Variants in CAPN14 observed in about 807,000 individuals in gnomAD.
The protein encoded by CAPN14 is calpain-14.
In CAPN14, 94 loss-of-function variants were observed where a neutral mutation model predicts 101.3. That is an observed-to-expected ratio of 0.93 (90% CI 0.79 to 1.10). The LOEUF is 1.10. Ranked by LOEUF, CAPN14 falls within the 50% of genes least tolerant of loss-of-function variation. The probability of loss-of-function intolerance (pLI) is 0.00; values close to 1 mark genes in which losing one functional copy is unlikely to be tolerated. For missense variants in CAPN14, 837 were observed against 828.4 expected, an observed-to-expected ratio of 1.01 and a Z score of -0.13; for synonymous variants, 338 against 317.9, an observed-to-expected ratio of 1.06 and a Z score of -0.67.
intron 1 of CAPN14, among the ~76,000 whole-genome samples, chr2:31,211,704 G>T (rs1163386651): frequency 1.7e-5 from 2 of 116,204 alleles, no homozygotes. Context: ...CACACACGAT[G>T]GGAAGAAAAT....
rs1465972 is a variant in CAPN14 at position 31,188,318 on chromosome 2, C to A, written c.1530G>T (p.Lys510Asn). ...IGSNSGVVFS[K>N]EIEDQNERQD... ...TATGGAATTCCACCAGACTACTCAC[C>A]TTTGAGAAGACGACACCAGAATTGC... The change falls in exon 14 of 22, where the codon AAG becomes AAT. Residue 510 changes from lysine to asparagine, a missense_variant and splice_region_variant. Lys to Asn is a moderately conservative substitution (Grantham distance 94). Coordinates refer to ENST00000403897, the MANE Select transcript of CAPN14 (RefSeq NM_001145122.2). 314,555 of 1,549,070 alleles carry A rather than the reference C, an allele frequency of 0.2. 37,946 individuals carry two copies. The highest frequency in any genetic ancestry group is 0.53 in the African/African-American group (38,554 of 72,966).
At chr2:31,233,132 T>C (rs947623433) in intron 1 of CAPN14, among the ~76,000 whole-genome samples, 4 of 152,240 alleles carry the variant, frequency 2.6e-5, no homozygotes, top group African/African-American at 7.2e-5. Flanking sequence ...CAATGTTCAC[T>C]GAGAACTTAG....
At chr2:31,180,495 C>G (rs2148672592) in intron 17 of CAPN14, among the ~76,000 whole-genome samples, 1 of 152,266 alleles carries the variant, frequency 6.6e-6, no homozygotes, top group East Asian at 1.9e-4. Flanking sequence ...TCCCTGAGCA[C>G]TGGTTTCCTG....
chr2:31,184,712 T>C (rs1206091358), intron 16 of CAPN14, among the ~76,000 whole-genome samples: 2 of 152,232 alleles, frequency 1.3e-5, no homozygotes, highest in African/African-American at 4.8e-5. Context: ...AAGACCCAAG[T>C]ACAATCAACC....
rs1682018356 is a variant in CAPN14, at chr2:31,205,351, G to A, written c.97C>T (p.Leu33=). 1 of 1,551,450 alleles carries A rather than the reference G, an allele frequency of 6.4e-7. No individual in the cohort carries two copies. Among genetic ancestry groups the A allele is most frequent in the Non-Finnish European group, 8.7e-7 (1 of 1,146,998 alleles). Residue 33 remains leucine, a synonymous_variant, in exon 2 of 22, where the codon CTG becomes TTG. Coordinates refer to ENST00000403897, the MANE Select transcript of CAPN14 (RefSeq NM_001145122.2). ...PQQPQQDFEA[L]LAECLRNGCL... is the part of the protein sequence containing the mutation. ...CCATTCCTCAGGCACTCTGCCAGCAGGGCCTCAAAGTCCTGTTGGGGTTGC... is the reference window on the plus strand; with the variant it reads ...CCATTCCTCAGGCACTCTGCCAGCAAGGCCTCAAAGTCCTGTTGGGGTTGC...
intron 16 of CAPN14, among the ~76,000 whole-genome samples, chr2:31,181,486 TC>T (rs1312164443): frequency 3.5e-5 from 5 of 141,682 alleles, no homozygotes; most frequent in Non-Finnish European, 6.0e-5. Flanking sequence ...TCTTTCTCTC[TC>T]TCTCTCTTTC....
intron 2 of CAPN14, among the ~76,000 whole-genome samples, chr2:31,224,727 T>C (rs916702118): frequency 2.6e-5 from 4 of 151,956 alleles, no homozygotes; most frequent in African/African-American, 7.2e-5. Flanking sequence ...GATTCCTATA[T>C]ATAACAATAA....
chr2:31,189,239 T>C (rs577873489), intron 13 of CAPN14, 34 bp downstream of exon 13: 2 of 1,541,652 alleles, frequency 1.3e-6, no homozygotes, highest in Non-Finnish European at 8.8e-7. Context: ...GTCCAAGTGG[T>C]CCCCACCCTC....
At chr2:31,216,665 G>T (rs964453036) in intron 1 of CAPN14, among the ~76,000 whole-genome samples, 2 of 152,174 alleles carry the variant, frequency 1.3e-5, no homozygotes, top group South Asian at 4.2e-4. Flanking sequence ...GAAACACTTA[G>T]GTACCACCCA....
chr2:31,221,396 T>C (rs56133728), upstream of CAPN14, among the ~76,000 whole-genome samples: 4,472 of 152,312 alleles, frequency 0.029, 65 homozygotes, highest in South Asian at 0.043. Flanking sequence ...ATTTTAATTG[T>C]GTACTTGGCA....
intron 1 of CAPN14, among the ~76,000 whole-genome samples, chr2:31,232,019 G>A (rs1042451696): frequency 1.3e-5 from 2 of 152,188 alleles, no homozygotes; most frequent in African/African-American, 4.8e-5. Context: ...GGTTCAAGGA[G>A]GGAGTCGGGA....
chr2:31,199,553 C>G, intron 6 of CAPN14, 21 bp from the exon 7 acceptor site: 3 of 1,546,538 alleles, frequency 1.9e-6, no homozygotes, highest in Non-Finnish European at 2.6e-6. Flanking sequence ...AAGAGAGGTC[C>G]TGATCAGTCT....
chr2:31,191,198 G>C (rs1168017852), intron 12 of CAPN14, among the ~76,000 whole-genome samples: 1 of 151,826 alleles, frequency 6.6e-6, no homozygotes. Flanking sequence ...GGATCTCTTG[G>C]GGGTCTTTGG....
chr2:31,188,295 T>C (rs1226210244), intron 14 of CAPN14, 23 bp downstream of exon 14: 6 of 1,549,968 alleles, frequency 3.9e-6, no homozygotes, highest in Admixed American at 2.0e-5. Flanking sequence ...CCCAGCCATA[T>C]GGAATTCCAC....
chr2:31,195,824 C>T (rs1681447077), intron 8 of CAPN14, among the ~76,000 whole-genome samples: 1 of 152,066 alleles, frequency 6.6e-6, no homozygotes, highest in Admixed American at 6.6e-5. Flanking sequence ...GTCCAATATT[C>T]TTTAAAGAAA....
At chr2:31,198,014 C>T (rs984890191) in intron 7 of CAPN14, among the ~76,000 whole-genome samples, 2 of 152,144 alleles carry the variant, frequency 1.3e-5, no homozygotes, top group Non-Finnish European at 2.9e-5. Flanking sequence ...TTGTGGCAAC[C>T]CTAGGAAACC....
At chr2:31,212,461 G>C (rs1362756363) in intron 1 of CAPN14, among the ~76,000 whole-genome samples, 2 of 152,132 alleles carry the variant, frequency 1.3e-5, no homozygotes, top group South Asian at 2.1e-4. Flanking sequence ...GCATCATCAT[G>C]ATGAACTACT....
intron 7 of CAPN14, 67 bp downstream of exon 7, chr2:31,199,402 GA>G: frequency 7.6e-7 from 1 of 1,320,234 alleles, no homozygotes; most frequent in Non-Finnish European, 1.1e-6. Flanking sequence ...AATCCACCAA[GA>G]TAAGCTAGGG....
Position 31,191,402 on chromosome 2 carries a change from G to GT in CAPN14, c.1283dup (p.Asn428LysfsTer5). 3 of 1,520,380 alleles carry GT rather than the reference G, an allele frequency of 2.0e-6. No individual in the cohort carries two copies. Among genetic ancestry groups the GT allele is most frequent in the Non-Finnish European group, 2.7e-6 (3 of 1,131,752 alleles). 94.2% of individuals were successfully genotyped at this position (1,520,380 alleles called of 1,614,324 possible). ...CCCGGTCAAGTGCAGAACTCACCTT[G>GT]TTCATCTAAAAAACAAAAACAAAAA... is the stretch of plus-strand genomic sequence containing the variant. On this transcript the variant is annotated frameshift_variant, in exon 12 of 22. Coordinates refer to ENST00000403897, the MANE Select transcript of CAPN14 (RefSeq NM_001145122.2). LOFTEE classifies it high-confidence loss of function.
Sources: gnomAD v4.1 joint callset for allele counts (sites outside exome capture counted in the v4.1 genomes callset) on GRCh38, gnomAD v4.1.1 for gene constraint, MANE v1.5 for transcripts, NCBI Gene and HGNC (gene_info 2026-07-23, HGNC 2026-07-21) for gene names.